Variants in B3GALT1 observed in about 807,000 individuals in gnomAD.
The protein encoded by B3GALT1 is beta-1,3-galactosyltransferase 1, also known as UDP-Gal:betaGlcNAc beta 1,3-galactosyltransferase, polypeptide 1.
In B3GALT1, 10 loss-of-function variants were observed where a neutral mutation model predicts 23.2. That is an observed-to-expected ratio of 0.43 (90% confidence interval 0.27 to 0.73). The LOEUF (loss-of-function observed/expected upper bound fraction) is 0.73, where lower values mean the gene tolerates loss of function less well. Ranked by LOEUF, B3GALT1 falls within the 30% of genes least tolerant of loss-of-function variation. The pLI, the probability that B3GALT1 is intolerant of heterozygous loss-of-function variation, is 0.21. For missense variants in B3GALT1, 299 were observed against 405.4 expected (o/e 0.74, Z 2.25); for synonymous variants, 156 against 141.5 (o/e 1.10, Z -0.73).
intron 3 of B3GALT1, among the ~76,000 whole-genome samples, chr2:167,695,145 G>A (rs953081775): frequency 6.6e-6 from 1 of 152,094 alleles, no homozygotes; most frequent in African/African-American, 2.4e-5. Context: ...CAAATCAGAA[G>A]TAAGTTTTAC....
chr2:167,666,886 A>G (rs892919262), intron 3 of B3GALT1, among the ~76,000 whole-genome samples: 15 of 152,196 alleles, frequency 9.9e-5, no homozygotes, highest in South Asian at 2.1e-4. Flanking sequence ...CACACTGAAG[A>G]GTCTTGACTC....
chr2:167,449,581 T>C (rs1393538080), intron 1 of B3GALT1, among the ~76,000 whole-genome samples: 3 of 152,192 alleles, frequency 2.0e-5, no homozygotes, highest in African/African-American at 4.8e-5. Flanking sequence ...TTGCATGCAC[T>C]ATTTCTTTTT....
chr2:167,726,857 C>T (rs1042371502), intron 3 of B3GALT1, among the ~76,000 whole-genome samples: 5 of 152,234 alleles, frequency 3.3e-5, no homozygotes, highest in Admixed American at 3.3e-4. Context: ...ATGTAAGCAA[C>T]ATTTGGCATC....
At chr2:167,608,333 A>G (rs1685002173) in intron 2 of B3GALT1, among the ~76,000 whole-genome samples, 1 of 152,162 alleles carries the variant, frequency 6.6e-6, no homozygotes, top group Non-Finnish European at 1.5e-5. Flanking sequence ...GTCATAATAC[A>G]TATTCATCTG....
chr2:167,511,642 A>G (rs1043817833), intron 2 of B3GALT1, among the ~76,000 whole-genome samples: 7 of 152,204 alleles, frequency 4.6e-5, no homozygotes, highest in Non-Finnish European at 8.8e-5. Flanking sequence ...CCAAAAGGAT[A>G]TATTTTTGCA....
chr2:167,583,490 T>C (rs1322918236), intron 2 of B3GALT1, among the ~76,000 whole-genome samples: 2 of 152,212 alleles, frequency 1.3e-5, no homozygotes, highest in African/African-American at 2.4e-5. Flanking sequence ...TTTTACAAGG[T>C]AACTTACAGT....
At chr2:167,758,042 G>A (rs1168033891) in intron 3 of B3GALT1, among the ~76,000 whole-genome samples, 2 of 152,192 alleles carry the variant, frequency 1.3e-5, no homozygotes, top group African/African-American at 4.8e-5. Flanking sequence ...TAGCACTGCA[G>A]GCAATTACTG....
intron 1 of B3GALT1, among the ~76,000 whole-genome samples, chr2:167,438,071 C>T (rs1698814616): frequency 6.6e-6 from 1 of 152,192 alleles, no homozygotes; most frequent in African/African-American, 2.4e-5. Context: ...ACCTACACAT[C>T]CTACAAAGGA....
chr2:167,311,329 C>G (rs538835501), intron 1 of B3GALT1, among the ~76,000 whole-genome samples: 3 of 151,948 alleles, frequency 2.0e-5, no homozygotes, highest in Non-Finnish European at 4.4e-5. Context: ...TCAGGCATAT[C>G]TGGATAAAGA....
At chr2:167,799,409 T>G (rs1688599186) in intron 3 of B3GALT1, among the ~76,000 whole-genome samples, 1 of 152,132 alleles carries the variant, frequency 6.6e-6, no homozygotes, top group African/African-American at 2.4e-5. Flanking sequence ...ACCCTTGGCT[T>G]AGCTCCCTCT....
intron 3 of B3GALT1, chr2:167,715,205 T>C: frequency 6.2e-6 from 10 of 1,613,998 alleles, no homozygotes; most frequent in Non-Finnish European, 8.5e-6. Context: ...GTTATCATCA[T>C]CCGTTGTGTC....
chr2:167,808,302 C>A (rs868837313), intron 3 of B3GALT1, among the ~76,000 whole-genome samples: 1,749 of 146,322 alleles, frequency 0.012, 25 homozygotes, highest in South Asian at 0.027. Context: ...GCCCATTTAC[C>A]TTTAAGGTTA....
intron 3 of B3GALT1, among the ~76,000 whole-genome samples, chr2:167,795,254 C>T (rs893385180): frequency 3.9e-5 from 6 of 152,170 alleles, no homozygotes; most frequent in African/African-American, 1.4e-4. Context: ...AGAGCCAAAA[C>T]TCTAAGGCAA....
chr2:167,458,541 TC>T (rs1281360903), intron 1 of B3GALT1, among the ~76,000 whole-genome samples: 3 of 152,194 alleles, frequency 2.0e-5, no homozygotes, highest in Non-Finnish European at 4.4e-5. Flanking sequence ...TCTACTGTCT[TC>T]CACACCAGCT....
At chr2:167,822,375 C>G (rs1367389926) in intron 4 of B3GALT1, among the ~76,000 whole-genome samples, 1 of 152,186 alleles carries the variant, frequency 6.6e-6, no homozygotes, top group African/African-American at 2.4e-5. Context: ...TGTTCCACCT[C>G]ATCCTGTGTA....
At chr2:167,754,050 G>T (rs554434167) in intron 3 of B3GALT1, among the ~76,000 whole-genome samples, 1 of 152,148 alleles carries the variant, frequency 6.6e-6, no homozygotes, top group African/African-American at 2.4e-5. Context: ...AATGGTTACC[G>T]TATTGGCAAT....
At chr2:167,692,435 A>G (rs4270318) in intron 3 of B3GALT1, among the ~76,000 whole-genome samples, 6,438 of 152,154 alleles carry the variant, frequency 0.042, 208 homozygotes, top group East Asian at 0.1. Flanking sequence ...CATATCCCAT[A>G]TGGCATAATT....
intron 1 of B3GALT1, among the ~76,000 whole-genome samples, chr2:167,439,431 T>A (rs1171964246): frequency 1.3e-5 from 2 of 152,228 alleles, no homozygotes; most frequent in African/African-American, 4.8e-5. Flanking sequence ...TCATTTGTTT[T>A]ACTTGCTAGA....
intron 1 of B3GALT1, among the ~76,000 whole-genome samples, chr2:167,405,958 A>AC (rs1698267940): frequency 6.6e-6 from 1 of 152,198 alleles, no homozygotes. Flanking sequence ...ATAGAAGAAA[A>AC]TAAAAGACCA....
Sources: gnomAD v4.1 joint callset for allele counts (sites outside exome capture counted in the v4.1 genomes callset) on GRCh38, gnomAD v4.1.1 for gene constraint, MANE v1.5 for transcripts, NCBI Gene and HGNC (gene_info 2026-07-23, HGNC 2026-07-21) for gene names.